PTPRT: variants seen among roughly 807,000 people sequenced by gnomAD.
PTPRT encodes the protein receptor-type tyrosine-protein phosphatase T.
Under a neutral mutation model 176.8 loss-of-function variants are expected in PTPRT, and 56 were observed. The observed-to-expected ratio is 0.32, with a 90% confidence interval of 0.26 to 0.40. PTPRT has a LOEUF of 0.40. Among genes scored for constraint, PTPRT ranks in the 10% least tolerant of loss-of-function variants. The pLI, the probability that PTPRT is intolerant of heterozygous loss-of-function variation, is 1.00. For missense variants in PTPRT, 1,540 were observed against 1,908.2 expected (o/e 0.81, Z 3.60); for synonymous variants, 783 against 739.0 (o/e 1.06, Z -0.96).
intron 9 of PTPRT, among the ~76,000 whole-genome samples, chr20:42,383,652 A>C (rs916327): frequency 0.35 from 52,583 of 151,992 alleles, 9,358 homozygotes; most frequent in East Asian, 0.61. Context: ...TACAGGAATA[A>C]TGCAAGCATA....
At chr20:42,466,855 T>A (rs1017277883) in intron 8 of PTPRT, among the ~76,000 whole-genome samples, 1 of 152,136 alleles carries the variant, frequency 6.6e-6, no homozygotes, top group Non-Finnish European at 1.5e-5. Flanking sequence ...GCCTCAGGTC[T>A]GGGGCAGGGA....
intron 1 of PTPRT, among the ~76,000 whole-genome samples, chr20:42,994,781 G>C (rs544103891): frequency 1.3e-5 from 2 of 152,254 alleles, no homozygotes; most frequent in East Asian, 3.9e-4. Context: ...CAGACTCCTG[G>C]GAGCACATGC....
chr20:43,008,921 T>C (rs180777361), intron 1 of PTPRT, among the ~76,000 whole-genome samples: 1 of 152,252 alleles, frequency 6.6e-6, no homozygotes, highest in East Asian at 1.9e-4. Context: ...GCTACCTTGG[T>C]CACTCAAGCA....
chr20:42,872,746 C>T (rs2078866881), intron 2 of PTPRT, among the ~76,000 whole-genome samples: 1 of 152,050 alleles, frequency 6.6e-6, no homozygotes, highest in South Asian at 2.1e-4. Context: ...GATGTGTGGC[C>T]CAAGGTCACA....
chr20:42,623,037 A>C (rs1401318563), intron 7 of PTPRT, among the ~76,000 whole-genome samples: 2 of 152,178 alleles, frequency 1.3e-5, no homozygotes, highest in African/African-American at 2.4e-5. Context: ...AGAAGAAGAG[A>C]AAAGAAGGAA....
intron 7 of PTPRT, among the ~76,000 whole-genome samples, chr20:42,621,233 C>A (rs984068697): frequency 7.9e-5 from 12 of 152,176 alleles, no homozygotes; most frequent in Admixed American, 7.2e-4. Context: ...CCCTCCAGCT[C>A]CTCGGGCCTT....
At chr20:42,808,082 T>G (rs1251012870) in intron 2 of PTPRT, among the ~76,000 whole-genome samples, 1 of 152,072 alleles carries the variant, frequency 6.6e-6, no homozygotes, top group African/African-American at 2.4e-5. Flanking sequence ...GAGGCTAGGG[T>G]TGAAAGCCTC....
intron 2 of PTPRT, among the ~76,000 whole-genome samples, chr20:42,822,976 T>C (rs954765509): frequency 6.6e-6 from 1 of 152,200 alleles, no homozygotes; most frequent in Non-Finnish European, 1.5e-5. Flanking sequence ...GAAAACAGTA[T>C]GGCAATTCCT....
intron 1 of PTPRT, among the ~76,000 whole-genome samples, chr20:43,073,338 A>G (rs1207661206): frequency 6.6e-6 from 1 of 151,990 alleles, no homozygotes; most frequent in East Asian, 1.9e-4. Context: ...TCTTATTTCA[A>G]TGTGCTCCGT....
intron 6 of PTPRT, among the ~76,000 whole-genome samples, chr20:42,695,604 A>T (rs2075862371): frequency 6.6e-6 from 1 of 152,232 alleles, no homozygotes; most frequent in Non-Finnish European, 1.5e-5. Context: ...GGAAGACCAT[A>T]CAATTTGGAA....
chr20:42,183,952 T>C (rs1468915402), intron 16 of PTPRT, among the ~76,000 whole-genome samples: 1 of 152,080 alleles, frequency 6.6e-6, no homozygotes, highest in Non-Finnish European at 1.5e-5. Context: ...AAGCCTAAGG[T>C]AGATGTATAG....
chr20:43,042,915 T>G (rs1265130736), intron 1 of PTPRT, among the ~76,000 whole-genome samples: 1 of 152,192 alleles, frequency 6.6e-6, no homozygotes, highest in East Asian at 1.9e-4. Context: ...CTATTTTGCC[T>G]GTACTCCAAC....
At chr20:42,117,040 G>A (rs920628306) in intron 21 of PTPRT, among the ~76,000 whole-genome samples, 28 of 152,240 alleles carry the variant, frequency 1.8e-4, no homozygotes, top group Admixed American at 1.0e-3. Flanking sequence ...AGAGTCCAGC[G>A]TCAGATTTTG....
At chr20:42,995,145 G>A (rs1984151833) in intron 1 of PTPRT, among the ~76,000 whole-genome samples, 1 of 152,166 alleles carries the variant, frequency 6.6e-6, no homozygotes, top group South Asian at 2.1e-4. Flanking sequence ...ATCTACTACT[G>A]TGTAACAAAT....
At chr20:42,825,550 CATACACATGTGTGT>C in intron 2 of PTPRT, among the ~76,000 whole-genome samples, 1 of 150,964 alleles carries the variant, frequency 6.6e-6, no homozygotes, top group Middle Eastern at 3.4e-3. Flanking sequence ...TGAGCATATG[CATACACATGTGTGT>C]ATATAAATAG....
chr20:42,910,199 GT>G (rs2079527298), intron 1 of PTPRT, among the ~76,000 whole-genome samples: 2 of 152,124 alleles, frequency 1.3e-5, no homozygotes, highest in African/African-American at 2.4e-5. Context: ...GTTCAAAACT[GT>G]TTTGATTCGG....
intron 6 of PTPRT, among the ~76,000 whole-genome samples, chr20:42,735,107 C>T (rs2076519352): frequency 1.3e-5 from 2 of 152,188 alleles, no homozygotes; most frequent in African/African-American, 2.4e-5. Context: ...ATGTGTATTA[C>T]TATCACTATT....
At chr20:42,553,057 G>T (rs553799544) in intron 7 of PTPRT, among the ~76,000 whole-genome samples, 1 of 152,164 alleles carries the variant, frequency 6.6e-6, no homozygotes, top group South Asian at 2.1e-4. Context: ...ATGTGAATAA[G>T]TTTTCACTTG....
chr20:42,550,650 T>G (rs1210893437), intron 7 of PTPRT, among the ~76,000 whole-genome samples: 1 of 152,072 alleles, frequency 6.6e-6, no homozygotes, highest in Non-Finnish European at 1.5e-5. Context: ...GCACAGACAT[T>G]TATTGCATTG....
Sources: gnomAD v4.1 joint callset for allele counts (sites outside exome capture counted in the v4.1 genomes callset) on GRCh38, gnomAD v4.1.1 for gene constraint, MANE v1.5 for transcripts, NCBI Gene and HGNC (gene_info 2026-07-23, HGNC 2026-07-21) for gene names.